The following SRGAP3 variants were observed in gnomAD, a reference collection of about 807,000 sequenced individuals.
SRGAP3 encodes SLIT-ROBO Rho GTPase activating protein 3.
In SRGAP3, 39 loss-of-function variants were observed where a neutral mutation model predicts 121.1. The ratio of observed to expected loss-of-function variants is 0.32; its 90% CI spans 0.25 to 0.42. The LOEUF (loss-of-function observed/expected upper bound fraction) is 0.42. SRGAP3 is among the 10% of genes least tolerant of loss of function. SRGAP3 has a pLI of 1.00. For synonymous variants in SRGAP3, 601 were observed against 570.0 expected (o/e 1.05, Z -0.77); for missense variants, 1,213 against 1,470.6 (o/e 0.82, Z 2.86).
At chr3:9,180,510 C>T (rs550944436) in intron 1 of SRGAP3, among the ~76,000 whole-genome samples, 30 of 152,130 alleles carry the variant, frequency 2.0e-4, no homozygotes, top group African/African-American at 6.3e-4. Context: ...GGGAGCAGGG[C>T]GGGGAGGACA....
chr3:9,189,982 T>A (rs937342111), intron 1 of SRGAP3, among the ~76,000 whole-genome samples: 1 of 152,264 alleles, frequency 6.6e-6, no homozygotes, highest in Non-Finnish European at 1.5e-5. Flanking sequence ...GTGCTTTTCA[T>A]GTATATTCGC....
At position 9,124,735 on chromosome 3, in the gene SRGAP3, G is replaced by A. The variant is rs1949153760; in HGVS notation, c.250C>T (p.His84Tyr). 1.2e-6 allele frequency: 2 copies of A among 1,613,924 alleles called. No homozygotes were observed. Among genetic ancestry groups the A allele is most frequent in the Non-Finnish European group, 1.7e-6 (2 of 1,180,054 alleles). ...TACCCAACTTCTTACTTGAACTGGT[G>A]CTCCCGGGAGCTGCGGATTTTGGAG... Reference protein sequence around the residue: ...FSSKIRSSREHQFKKDQYLLS... With the variant: ...FSSKIRSSREYQFKKDQYLLS... Residue 84 changes from histidine (H) to tyrosine (Y), a missense_variant, in exon 2 of 22, where the codon CAC (histidine) becomes TAC (tyrosine). Coordinates refer to ENST00000383836, the MANE Select transcript of SRGAP3 (RefSeq NM_014850.4).
chr3:9,205,607 A>C (rs1230227746), intron 1 of SRGAP3, among the ~76,000 whole-genome samples: 1 of 152,244 alleles, frequency 6.6e-6, no homozygotes, highest in Non-Finnish European at 1.5e-5. Context: ...TCCTGGTCCT[A>C]TGTGCCTATC....
intron 1 of SRGAP3, among the ~76,000 whole-genome samples, chr3:9,141,151 C>G (rs1288283036): frequency 1.3e-5 from 2 of 152,200 alleles, no homozygotes; most frequent in Non-Finnish European, 2.9e-5. Context: ...GGATTCAAAC[C>G]CAGAGCAGGC....
At chr3:8,991,350 T>C (rs1314765059) in intron 20 of SRGAP3, among the ~76,000 whole-genome samples, 3 of 152,088 alleles carry the variant, frequency 2.0e-5, no homozygotes, top group Non-Finnish European at 4.4e-5. Context: ...CAACCCCCAA[T>C]CTCCCCAGAA....
chr3:9,343,951 T>C (rs568799278), intron 1 of SRGAP3, among the ~76,000 whole-genome samples: 17 of 152,384 alleles, frequency 1.1e-4, no homozygotes, highest in Non-Finnish European at 2.5e-4. Flanking sequence ...CAGCCTGCCC[T>C]ACTTTTAAAA....
At chr3:9,112,748 T>C (rs1195460603) in intron 2 of SRGAP3, among the ~76,000 whole-genome samples, 1 of 152,222 alleles carries the variant, frequency 6.6e-6, no homozygotes, top group Non-Finnish European at 1.5e-5. Flanking sequence ...TGTCACACTA[T>C]GTCATTGTCA....
intron 1 of SRGAP3, among the ~76,000 whole-genome samples, chr3:9,359,293 G>GGTCC (rs1359369529): frequency 2.0e-5 from 3 of 152,016 alleles, no homozygotes; most frequent in African/African-American, 7.2e-5. Flanking sequence ...CTCCTTGGAG[G>GGTCC]GTCCATACTA....
chr3:9,062,618 G>A (rs1266124742), intron 5 of SRGAP3, among the ~76,000 whole-genome samples: 1 of 152,128 alleles, frequency 6.6e-6, no homozygotes, highest in Admixed American at 6.5e-5. Context: ...AAATGTAGTT[G>A]CACAATATGT....
At chr3:9,308,367 A>T (rs1310466995) in intron 3 of SRGAP3, among the ~76,000 whole-genome samples, 1 of 152,252 alleles carries the variant, frequency 6.6e-6, no homozygotes, top group Admixed American at 6.5e-5. Context: ...AACAGTGTGT[A>T]AAGTTTTCAC....
chr3:9,096,031 C>T (rs1947952613), intron 3 of SRGAP3, among the ~76,000 whole-genome samples: 1 of 151,722 alleles, frequency 6.6e-6, no homozygotes, highest in South Asian at 2.1e-4. Context: ...ATGATCACAC[C>T]ACTGCACTCC....
chr3:9,337,177 C>T (rs773424189), intron 1 of SRGAP3, among the ~76,000 whole-genome samples: 1 of 152,194 alleles, frequency 6.6e-6, no homozygotes, highest in Non-Finnish European at 1.5e-5. Context: ...AGGCCTTCAA[C>T]TGGTTTTATG....
chr3:9,252,576 G>T (rs186797857), upstream of SRGAP3, among the ~76,000 whole-genome samples: 4 of 152,240 alleles, frequency 2.6e-5, no homozygotes, highest in Admixed American at 2.0e-4. Context: ...AGAGGAAAAG[G>T]TCTGTGTCCC....
At chr3:9,174,548 G>A (rs987802876) in intron 1 of SRGAP3, among the ~76,000 whole-genome samples, 14 of 152,152 alleles carry the variant, frequency 9.2e-5, no homozygotes, top group African/African-American at 3.4e-4. Flanking sequence ...AGTAAGCACC[G>A]ACTTCATGGC....
At chr3:8,987,658 A>T (rs1941796107) in intron 21 of SRGAP3, among the ~76,000 whole-genome samples, 1 of 152,214 alleles carries the variant, frequency 6.6e-6, no homozygotes, top group African/African-American at 2.4e-5. Flanking sequence ...GGGACTATGG[A>T]TGTCTGGCTA....
chr3:9,265,795 A>G (rs1484828925), intron 3 of SRGAP3, among the ~76,000 whole-genome samples: 2 of 152,064 alleles, frequency 1.3e-5, no homozygotes, highest in Non-Finnish European at 2.9e-5. Context: ...TAGTTCAACC[A>G]TTGTGGAAGA....
At chr3:9,083,201 G>T (rs1429663688) in intron 3 of SRGAP3, among the ~76,000 whole-genome samples, 1 of 152,086 alleles carries the variant, frequency 6.6e-6, no homozygotes, top group Non-Finnish European at 1.5e-5. Flanking sequence ...CTCTCCAGTG[G>T]CCTCCTCTTG....
chr3:9,110,549 G>A (rs889013635), intron 2 of SRGAP3, among the ~76,000 whole-genome samples: 7 of 152,198 alleles, frequency 4.6e-5, no homozygotes, highest in East Asian at 1.9e-4. Context: ...CCGCGGTGGC[G>A]CCTCCCCTCC....
intron 1 of SRGAP3, among the ~76,000 whole-genome samples, chr3:9,215,349 C>A (rs982797713): frequency 7.3e-5 from 10 of 136,998 alleles, no homozygotes; most frequent in African/African-American, 2.6e-4. Context: ...CCTCACTTTA[C>A]AGATGGGGCC....
Sources: allele counts gnomAD v4.1 joint callset (sites outside exome capture counted in the v4.1 genomes callset), GRCh38; gene constraint gnomAD v4.1.1; transcripts MANE v1.5; gene names NCBI Gene and HGNC (gene_info 2026-07-23, HGNC 2026-07-21).